Variants in GGPS1 observed in about 807,000 individuals in gnomAD.
GGPS1 encodes the protein geranylgeranyl diphosphate synthase 1, also known as geranylgeranyl pyrophosphate synthase.
Under a neutral mutation model 28.1 loss-of-function variants are expected in GGPS1, and 15 were observed. The observed-to-expected ratio is 0.53, with a 90% confidence interval of 0.36 to 0.82. The LOEUF (loss-of-function observed/expected upper bound fraction) is 0.82, where lower values mean the gene tolerates loss of function less well. Ranked by LOEUF, GGPS1 falls within the 40% of genes least tolerant of loss-of-function variation. The pLI is 0.01. For synonymous variants in GGPS1, 138 were observed against 122.4 expected, an observed-to-expected ratio of 1.13 and a Z score of -0.84; for missense variants, 284 against 348.3, an observed-to-expected ratio of 0.82 and a Z score of 1.47.
rs1479715457 is a variant in GGPS1 at position 235,342,562 on chromosome 1, G to C, written c.693G>C (p.Gln231His). ...CAAGGCCTGAAAGCACCCAGGTGCA[G>C]AATATCTTGCGCCAGAGAACAGAAA... The part of the protein sequence containing the change: ...IWSRPESTQV[Q>H]NILRQRTENI... The change falls in exon 4 of 4, where the codon CAG becomes CAC. Residue 231 changes from glutamine (Q) to histidine (H), a missense_variant. Coordinates refer to ENST00000282841, the MANE Select transcript of GGPS1 (RefSeq NM_004837.4). 1.9e-6 allele frequency: 3 copies of C among 1,611,182 alleles called. No homozygotes were observed. The highest frequency in any genetic ancestry group is 2.5e-6 in the Non-Finnish European group (3 of 1,177,420).
At chr1:235,335,701 T>G (rs2103343477) in intron 2 of GGPS1, among the ~76,000 whole-genome samples, 1 of 152,276 alleles carries the variant, frequency 6.6e-6, no homozygotes, top group South Asian at 2.1e-4. Flanking sequence ...GAAGGCACCC[T>G]TTAAAACATA....
intron 1 of GGPS1, 24 bp from the exon 2 acceptor site, chr1:235,335,218 C>T (rs372026861): frequency 1.1e-6 from 1 of 946,888 alleles, no homozygotes; most frequent in Non-Finnish European, 1.7e-6. Flanking sequence ...TTCATGTGAT[C>T]TTTATGTTTC....
rs1675532875 is a variant in GGPS1 at position 235,328,571 on chromosome 1, G to A, written c.-231G>A. On this transcript the variant is annotated 5_prime_UTR_variant, in exon 1 of 4. The change creates a new upstream start codon in the 5' untranslated region. Coordinates refer to ENST00000282841, the MANE Select transcript of GGPS1 (RefSeq NM_004837.4). ...GGGAGGCGGCAACGACGCCTGCGCA[G>A]TGTGACCGGGATGGCGCATTTTCTT... 1 of 152,884 alleles carries A rather than the reference G, an allele frequency of 6.5e-6. No homozygotes were observed. 9.5% of individuals were successfully genotyped at this position (152,884 alleles called of 1,614,324 possible).
Position 235,342,046 on chromosome 1 carries a change from C to A in GGPS1, c.177C>A (p.Ala59=), listed in dbSNP as rs755731101. 3 of 1,598,462 alleles carry A rather than the reference C, an allele frequency of 1.9e-6. No homozygotes were observed. Among genetic ancestry groups the A allele is most frequent in the Non-Finnish European group, 2.6e-6 (3 of 1,171,884 alleles). The change falls in exon 4 of 4, where the codon GCC becomes GCA. Residue 59 remains alanine, a synonymous_variant. Coordinates refer to ENST00000282841, the MANE Select transcript of GGPS1 (RefSeq NM_004837.4). ...AAGTGACAGAAATGTTGCATAATGC[C>A]AGTTTACTCATCGATGATATTGAAG... ...IIEVTEMLHN[A]SLLIDDIEDN...
chr1:235,329,432 G>A (rs1675614046), intron 1 of GGPS1: 1 of 152,358 alleles, frequency 6.6e-6, no homozygotes, highest in Non-Finnish European at 1.5e-5. Flanking sequence ...CAGTGCCCCA[G>A]AGGAGAGTTC....
At chr1:235,338,693 G>A (rs1017842570) in intron 2 of GGPS1, among the ~76,000 whole-genome samples, 3 of 151,490 alleles carry the variant, frequency 2.0e-5, no homozygotes, top group South Asian at 2.1e-4. Context: ...GCAACAGGGC[G>A]AAACCCTGCC....
intron 1 of GGPS1, among the ~76,000 whole-genome samples, chr1:235,333,801 A>C (rs771544723): frequency 1.3e-5 from 2 of 152,190 alleles, no homozygotes; most frequent in Non-Finnish European, 2.9e-5. Flanking sequence ...GCCATATTAC[A>C]TTTAGCCTTT....
chr1:235,336,268 G>A (rs1162191101), intron 2 of GGPS1, among the ~76,000 whole-genome samples: 2 of 152,170 alleles, frequency 1.3e-5, no homozygotes, highest in African/African-American at 2.4e-5. Flanking sequence ...GCGCATGCCT[G>A]TAGTCCCAGC....
At chr1:235,340,200 A>G (rs2789369) in intron 2 of GGPS1, among the ~76,000 whole-genome samples, 69,172 of 152,030 alleles carry the variant, frequency 0.45, 16,039 homozygotes, top group South Asian at 0.59. Context: ...TGTTGGGTGA[A>G]GTGACTCAAC....
intron 1 of GGPS1, chr1:235,330,629 G>A (rs1276280128): frequency 1.3e-5 from 2 of 152,306 alleles, no homozygotes; most frequent in South Asian, 4.1e-4. Flanking sequence ...ATCTCTAAGT[G>A]AGGAAAGGAA....
chr1:235,330,632 G>T (rs924910520), intron 1 of GGPS1: 1 of 152,214 alleles, frequency 6.6e-6, no homozygotes, highest in African/African-American at 2.4e-5. Context: ...TCTAAGTGAG[G>T]AAAGGAAATA....
intron 1 of GGPS1, chr1:235,330,415 G>A (rs992103025): frequency 6.6e-6 from 1 of 152,192 alleles, no homozygotes; most frequent in African/African-American, 2.4e-5. Context: ...AACCCGGGAG[G>A]CGGAGTTTGC....
At chr1:235,341,936 CTT>C in intron 3 of GGPS1, 73 bp from the exon 4 acceptor site, 1 of 1,000,576 alleles carries the variant, frequency 1.0e-6, no homozygotes, top group Non-Finnish European at 1.5e-6. Flanking sequence ...ACACCTGAGA[CTT>C]TCATAATCTG....
At chr1:235,338,033 C>G (rs893740059) in intron 2 of GGPS1, among the ~76,000 whole-genome samples, 9 of 151,932 alleles carry the variant, frequency 5.9e-5, no homozygotes, top group African/African-American at 2.2e-4. Flanking sequence ...AAAGAGGAAG[C>G]AGTAATCTTT....
intron 1 of GGPS1, among the ~76,000 whole-genome samples, chr1:235,331,739 T>C (rs1675723639): frequency 1.3e-5 from 2 of 151,974 alleles, no homozygotes; most frequent in African/African-American, 2.4e-5. Flanking sequence ...ACTTGCACAG[T>C]TGATGGTTAT....
Position 235,342,275 on chromosome 1 carries a change from T to TA in GGPS1, c.407dup (p.Tyr136Ter), listed in dbSNP as rs763095034. The change falls in exon 4 of 4, where the codon TAC becomes TAAC. Residue 136 changes from tyrosine (Y) to a stop codon, truncating the protein, a stop_gained and frameshift_variant. Coordinates refer to ENST00000282841, the MANE Select transcript of GGPS1 (RefSeq NM_004837.4). LOFTEE classifies it high-confidence loss of function. ...CCTAGATATTTACTGGAGGGATAAT[T>TA]ACACTTGTCCCACTGAAGAAGAATA... ...QGLDIYWRDNYTCPTEEEYKA... is the reference protein window; with the variant it reads ...QGLDIYWRDN The TA allele has an allele frequency of 2.5e-6, 4 of 1,614,072 alleles. No individual in the cohort carries two copies. The highest frequency in any genetic ancestry group is 1.1e-5 in the South Asian group (1 of 91,090).
At chr1:235,334,557 C>T (rs1198433763) in intron 1 of GGPS1, among the ~76,000 whole-genome samples, 1 of 152,144 alleles carries the variant, frequency 6.6e-6, no homozygotes, top group African/African-American at 2.4e-5. Context: ...ACATTTTGAT[C>T]CCTGCGAAAA....
chr1:235,339,143 C>CA (rs970396690), intron 2 of GGPS1, among the ~76,000 whole-genome samples: 1 of 151,856 alleles, frequency 6.6e-6, no homozygotes, highest in Non-Finnish European at 1.5e-5. Context: ...ACTAAAAATA[C>CA]AAAAAATTAG....
rs1676087905 is a variant in GGPS1, at chr1:235,342,657, C to A, written c.788C>A (p.Thr263Asn). Reference sequence around the variant, plus strand: ...GGTTCTTTTGAATACACTCGTAATACCCTTAAAGAGCTTGAAGCTAAAGCC... The same window carrying A: ...GGTTCTTTTGAATACACTCGTAATAACCTTAAAGAGCTTGAAGCTAAAGCC... ...DVGSFEYTRN[T>N]LKELEAKAYK... Residue 263 changes from threonine (T) to asparagine (N), a missense_variant, in exon 4 of 4, where the codon ACC becomes AAC. Physicochemically the swap from Thr to Asn is moderately conservative, Grantham distance 65. Coordinates refer to ENST00000282841, the MANE Select transcript of GGPS1 (RefSeq NM_004837.4). 6.2e-7 allele frequency: 1 copy of A among 1,610,584 alleles called. No homozygotes were observed. The highest frequency in any genetic ancestry group is 8.5e-7 in the Non-Finnish European group (1 of 1,176,778).
Sources: allele counts gnomAD v4.1 joint callset (sites outside exome capture counted in the v4.1 genomes callset), GRCh38; gene constraint gnomAD v4.1.1; transcripts MANE v1.5; gene names NCBI Gene and HGNC (gene_info 2026-07-23, HGNC 2026-07-21).